The following HELLS variants were observed in gnomAD, a reference collection of about 807,000 sequenced individuals.
HELLS encodes the protein lymphoid-specific helicase.
In HELLS, 32 loss-of-function variants were observed where a neutral mutation model predicts 120.0. The ratio of observed to expected loss-of-function variants is 0.27; its 90% CI spans 0.20 to 0.36. HELLS has a LOEUF of 0.36. Among genes scored for constraint, HELLS ranks in the 10% least tolerant of loss-of-function variants. HELLS has a pLI of 1.00. For missense variants in HELLS, 650 were observed against 993.4 expected, an observed-to-expected ratio of 0.65 and a Z score of 4.65; for synonymous variants, 341 against 323.4, an observed-to-expected ratio of 1.05 and a Z score of -0.58.
intron 9 of HELLS, 40 bp downstream of exon 9, chr10:94,574,776 T>G (rs1844348401): frequency 6.9e-7 from 1 of 1,457,430 alleles, no homozygotes; most frequent in Admixed American, 1.8e-5. Flanking sequence ...TAATTTTACA[T>G]GTTTTCTTAT....
chr10:94,591,278 T>C (rs1370252495), intron 15 of HELLS, among the ~76,000 whole-genome samples: 1 of 152,250 alleles, frequency 6.6e-6, no homozygotes, highest in Non-Finnish European at 1.5e-5. Flanking sequence ...ATCATTAATA[T>C]TTGGCTTATC....
chr10:94,570,920 T>C, intron 6 of HELLS: 1 of 158,028 alleles, frequency 6.3e-6, no homozygotes, highest in Non-Finnish European at 1.4e-5. Context: ...TACTCAACCC[T>C]GTACTCTGCT....
At chr10:94,602,877 G>A (rs1846080069), downstream of HELLS, among the ~76,000 whole-genome samples, 1 of 152,112 alleles carries the variant, frequency 6.6e-6, no homozygotes, top group East Asian at 1.9e-4. Flanking sequence ...ACCTAGGCTT[G>A]CTTGAAACTC....
chr10:94,590,376 T>G (rs375785337), intron 13 of HELLS, 37 bp from the exon 14 acceptor site: 1 of 1,566,690 alleles, frequency 6.4e-7, no homozygotes, highest in East Asian at 2.2e-5. Flanking sequence ...GGACATAGCT[T>G]TATAAACTGA....
chr10:94,561,294 G>C (rs909514249), intron 4 of HELLS, among the ~76,000 whole-genome samples: 1 of 151,818 alleles, frequency 6.6e-6, no homozygotes, highest in East Asian at 1.9e-4. Flanking sequence ...CTTACCTAGG[G>C]GTTTTGAAGA....
chr10:94,573,632 T>C (rs1373009230), intron 7 of HELLS, among the ~76,000 whole-genome samples: 1 of 151,856 alleles, frequency 6.6e-6, no homozygotes, highest in African/African-American at 2.4e-5. Flanking sequence ...CCAGCTAATT[T>C]TTTGTATTTT....
chr10:94,611,107 C>A (rs117304828), exon 10 of HELLS: 2 of 152,112 alleles, frequency 1.3e-5, no homozygotes, highest in Admixed American at 1.3e-4. Flanking sequence ...TAGAAGTGTT[C>A]TTTTCTGGCT....
At chr10:94,603,122 T>C (rs1846084434), downstream of HELLS, among the ~76,000 whole-genome samples, 1 of 152,246 alleles carries the variant, frequency 6.6e-6, no homozygotes, top group Non-Finnish European at 1.5e-5. Flanking sequence ...ATACTGCGGA[T>C]ATATTGTTTG....
At chr10:94,610,517 A>T (rs1236155386) in exon 10 of HELLS, 1 of 152,224 alleles carries the variant, frequency 6.6e-6, no homozygotes. Context: ...TAGAGCAAAT[A>T]AGAGCATCAA....
downstream of HELLS, among the ~76,000 whole-genome samples, chr10:94,606,263 C>G (rs549208530): frequency 1.1e-4 from 16 of 152,018 alleles, no homozygotes; most frequent in South Asian, 3.1e-3. Context: ...GTCTGAAAAT[C>G]TGTCTTTTAA....
intron 10 of HELLS, among the ~76,000 whole-genome samples, chr10:94,578,763 G>T (rs1454497630): frequency 2.0e-5 from 3 of 152,136 alleles, no homozygotes; most frequent in Non-Finnish European, 4.4e-5. Flanking sequence ...TCCATCTAGG[G>T]ATGATGGGAG....
chr10:94,597,209 C>T, intron 21 of HELLS, 98 bp downstream of exon 21: 1 of 635,032 alleles, frequency 1.6e-6, no homozygotes, highest in Non-Finnish European at 2.7e-6. Flanking sequence ...CCACATGTAT[C>T]CAATCTTGTT....
intron 6 of HELLS, chr10:94,570,798 C>G (rs1208163600): frequency 3.9e-5 from 6 of 152,010 alleles, no homozygotes; most frequent in African/African-American, 1.4e-4. Flanking sequence ...AATGCAAACT[C>G]AGATGTCTAT....
intron 12 of HELLS, chr10:94,584,252 T>C: frequency 2.5e-6 from 1 of 397,808 alleles, no homozygotes; most frequent in African/African-American, 2.1e-5. Context: ...TATTTATTAA[T>C]GGTTTATAAT....
intron 19 of HELLS, 41 bp downstream of exon 19, chr10:94,594,895 C>G: frequency 7.0e-7 from 1 of 1,435,978 alleles, no homozygotes; most frequent in Non-Finnish European, 9.7e-7. Context: ...TTAAATTGTG[C>G]ATTGTGTGTT....
At chr10:94,566,067 A>G (rs542306982) in intron 6 of HELLS, among the ~76,000 whole-genome samples, 2 of 151,814 alleles carry the variant, frequency 1.3e-5, no homozygotes, top group South Asian at 4.2e-4. Flanking sequence ...TGATTTTTGT[A>G]TTTTTTGTAG....
chr10:94,610,871 G>T (rs1846186624), exon 10 of HELLS: 2 of 152,238 alleles, frequency 1.3e-5, no homozygotes, highest in Admixed American at 1.3e-4. Flanking sequence ...ATTACAGGGT[G>T]TGAGCCACTG....
In HELLS at chr10:94,588,214, A is replaced by G. The variant is rs761935924; in HGVS notation, c.1327-15A>G. 34 of 1,518,822 alleles carry G rather than the reference A, an allele frequency of 2.2e-5. 1 individual carries two copies. Among genetic ancestry groups the G allele is most frequent in the Non-Finnish European group, 2.8e-5 (31 of 1,102,706 alleles). 94.1% of individuals were successfully genotyped at this position (1,518,822 alleles called of 1,614,324 possible). ...GTTTAATACTCATATTTTTCTGTTC[A>G]TGTTTTAATTTTAGATTTTAACACC... On this transcript the variant is annotated splice_polypyrimidine_tract_variant and intron_variant, in intron 12 of 21. Transcript: ENST00000348459.
chr10:94,606,541 G>A (rs1012214563), downstream of HELLS, among the ~76,000 whole-genome samples: 1 of 151,960 alleles, frequency 6.6e-6, no homozygotes, highest in South Asian at 2.1e-4. Flanking sequence ...CTTGAGACAG[G>A]GTCTTGCTAT....
Sources: gnomAD v4.1 joint callset for allele counts (sites outside exome capture counted in the v4.1 genomes callset) on GRCh38, gnomAD v4.1.1 for gene constraint, MANE v1.5 for transcripts, NCBI Gene and HGNC (gene_info 2026-07-23, HGNC 2026-07-21) for gene names.